LHFPL6: variants seen among roughly 807,000 people sequenced by gnomAD.
LHFPL6 encodes LHFPL tetraspan subfamily member 6.
LHFPL6 carries 9 observed loss-of-function variants against 20.6 expected under a neutral mutation model. That is an observed-to-expected ratio of 0.44 (90% confidence interval 0.26 to 0.76). The LOEUF is 0.76. Ranked by LOEUF, LHFPL6 falls within the 30% of genes least tolerant of loss-of-function variation. LHFPL6 has a pLI of 0.20. For synonymous variants in LHFPL6, 105 were observed against 98.7 expected (o/e 1.06, Z -0.38); for missense variants, 218 against 253.5 (o/e 0.86, Z 0.95).
intron 2 of LHFPL6, among the ~76,000 whole-genome samples, chr13:39,492,997 C>T (rs1253718942): frequency 6.6e-6 from 1 of 151,338 alleles, no homozygotes; most frequent in Non-Finnish European, 1.5e-5. Context: ...TCTTCTAAAA[C>T]AATTTTAATA....
intron 2 of LHFPL6, among the ~76,000 whole-genome samples, chr13:39,587,832 C>T (rs1439569273): frequency 6.6e-6 from 1 of 151,926 alleles, no homozygotes; most frequent in Non-Finnish European, 1.5e-5. Flanking sequence ...GGCTTCCTGA[C>T]TAGGGTAGGA....
chr13:39,452,821 A>G (rs894431646), intron 2 of LHFPL6, among the ~76,000 whole-genome samples: 10 of 152,252 alleles, frequency 6.6e-5, no homozygotes, highest in Admixed American at 5.9e-4. Flanking sequence ...ACTCCATTTA[A>G]AAATAGGGCA....
At chr13:39,379,842 TCTATATG>T (rs1389453028) in intron 2 of LHFPL6, among the ~76,000 whole-genome samples, 1 of 152,186 alleles carries the variant, frequency 6.6e-6, no homozygotes, top group Non-Finnish European at 1.5e-5. Flanking sequence ...TGAAGGGCCT[TCTATATG>T]CAAGGCAGAG....
intron 2 of LHFPL6, among the ~76,000 whole-genome samples, chr13:39,559,578 A>T (rs1430437684): frequency 1.3e-5 from 2 of 151,966 alleles, no homozygotes; most frequent in Non-Finnish European, 2.9e-5. Context: ...GTGTGTAGAT[A>T]AAAGCATTTA....
At chr13:39,433,106 T>G (rs1165319840) in intron 2 of LHFPL6, among the ~76,000 whole-genome samples, 1 of 152,142 alleles carries the variant, frequency 6.6e-6, no homozygotes, top group Non-Finnish European at 1.5e-5. Context: ...AATTTAGAGG[T>G]AGGAGAACTA....
intron 2 of LHFPL6, among the ~76,000 whole-genome samples, chr13:39,569,209 A>T (rs1871834906): frequency 7.0e-6 from 1 of 142,208 alleles, no homozygotes; most frequent in Non-Finnish European, 1.5e-5. Context: ...ACAGATATAA[A>T]CTGCAAACAT....
chr13:39,418,382 C>CTTTT (rs71077297), intron 2 of LHFPL6, among the ~76,000 whole-genome samples: 31,077 of 126,946 alleles, frequency 0.24, 4,169 homozygotes, highest in East Asian at 0.59. Flanking sequence ...TTTTTTTGGT[C>CTTTT]TTTTTTTTTT....
chr13:39,548,952 C>T (rs1348983862), intron 2 of LHFPL6, among the ~76,000 whole-genome samples: 1 of 152,072 alleles, frequency 6.6e-6, no homozygotes, highest in Non-Finnish European at 1.5e-5. Flanking sequence ...TTGAAAGACA[C>T]TGTTCAGAAA....
intron 2 of LHFPL6, among the ~76,000 whole-genome samples, chr13:39,404,827 C>T (rs1332463086): frequency 6.6e-6 from 1 of 152,118 alleles, no homozygotes; most frequent in African/African-American, 2.4e-5. Flanking sequence ...GTTTTATTAT[C>T]ACAGCATCTA....
chr13:39,408,827 T>C (rs1481331572), intron 2 of LHFPL6, among the ~76,000 whole-genome samples: 1 of 152,190 alleles, frequency 6.6e-6, no homozygotes, highest in Non-Finnish European at 1.5e-5. Context: ...AAATTTGTAA[T>C]AGTAATAGAA....
intron 2 of LHFPL6, among the ~76,000 whole-genome samples, chr13:39,400,018 A>T (rs1429531062): frequency 6.6e-6 from 1 of 152,186 alleles, no homozygotes; most frequent in Non-Finnish European, 1.5e-5. Flanking sequence ...GCTCGAACCC[A>T]GGAGGTGGAG....
intron 2 of LHFPL6, among the ~76,000 whole-genome samples, chr13:39,446,411 G>A (rs941428023): frequency 3.3e-5 from 5 of 152,224 alleles, no homozygotes; most frequent in African/African-American, 1.2e-4. Flanking sequence ...CTCTCCCGAT[G>A]TACAGCTGGA....
intron 2 of LHFPL6, among the ~76,000 whole-genome samples, chr13:39,548,936 T>C (rs7333587): frequency 0.81 from 123,569 of 152,070 alleles, 50,430 homozygotes; most frequent in Middle Eastern, 0.87. Context: ...TCAAAACTTC[T>C]GCTCTTTGAA....
intron 2 of LHFPL6, among the ~76,000 whole-genome samples, chr13:39,459,375 C>G (rs1163829153): frequency 6.6e-6 from 1 of 151,662 alleles, no homozygotes; most frequent in African/African-American, 2.4e-5. Context: ...TCCTTTCTCT[C>G]TCCTTCCCTT....
At chr13:39,505,534 A>AC (rs1869447815) in intron 2 of LHFPL6, among the ~76,000 whole-genome samples, 4 of 152,120 alleles carry the variant, frequency 2.6e-5, no homozygotes, top group African/African-American at 9.7e-5. Flanking sequence ...CCTGGCAGAA[A>AC]CAGATTTGAT....
At chr13:39,395,289 C>T (rs1460871596) in intron 2 of LHFPL6, among the ~76,000 whole-genome samples, 1 of 152,180 alleles carries the variant, frequency 6.6e-6, no homozygotes, top group Non-Finnish European at 1.5e-5. Context: ...ATCTCCCTTT[C>T]ATTGCTGTTT....
chr13:39,589,358 G>C (rs1872540254), intron 2 of LHFPL6, among the ~76,000 whole-genome samples: 1 of 152,048 alleles, frequency 6.6e-6, no homozygotes, highest in Admixed American at 6.6e-5. Flanking sequence ...GCCCACCTCG[G>C]CCTCCCAAAG....
intron 2 of LHFPL6, among the ~76,000 whole-genome samples, chr13:39,382,964 G>A (rs780868681): frequency 3.3e-5 from 5 of 152,062 alleles, no homozygotes; most frequent in South Asian, 2.1e-4. Flanking sequence ...GTTACAAACC[G>A]TATGATCAGG....
intron 3 of LHFPL6, among the ~76,000 whole-genome samples, chr13:39,372,686 A>G (rs1870193506): frequency 6.6e-6 from 1 of 152,242 alleles, no homozygotes; most frequent in Non-Finnish European, 1.5e-5. Context: ...CATATAAAAA[A>G]GTTCTCTCCA....
Sources: allele counts gnomAD v4.1 joint callset (sites outside exome capture counted in the v4.1 genomes callset), GRCh38; gene constraint gnomAD v4.1.1; transcripts MANE v1.5; gene names NCBI Gene and HGNC (gene_info 2026-07-23, HGNC 2026-07-21).